Variants in LIMCH1 observed in about 807,000 individuals in gnomAD.
The protein encoded by LIMCH1 is LIM and calponin homology domains-containing protein 1.
LIMCH1 carries 113 observed loss-of-function variants against 176.5 expected under a neutral mutation model. The observed-to-expected ratio is 0.64, with a 90% CI of 0.55 to 0.75. LIMCH1 has a LOEUF of 0.75. Ranked by LOEUF, LIMCH1 falls within the 30% of genes least tolerant of loss-of-function variation. The pLI is 0.00. For synonymous variants in LIMCH1, 619 were observed against 645.9 expected (o/e 0.96, Z 0.63); for missense variants, 1,674 against 1,814.9 (o/e 0.92, Z 1.41).
At chr4:41,633,463 T>C in intron 12 of LIMCH1, 85 bp from the exon 13 acceptor site, 4 of 1,469,054 alleles carry the variant, frequency 2.7e-6, no homozygotes, top group Non-Finnish European at 3.6e-6. Flanking sequence ...TTCTTCTGTC[T>C]TGAATTAACG....
intron 1 of LIMCH1, among the ~76,000 whole-genome samples, chr4:41,565,383 A>ACACACG (rs71198669): frequency 7.2e-5 from 10 of 138,182 alleles, no homozygotes; most frequent in African/African-American, 3.3e-4. Flanking sequence ...ACACACACAC[A>ACACACG]TACACACACA....
chr4:41,671,717 C>G, intron 22 of LIMCH1, 123 bp downstream of exon 22: 1 of 706,424 alleles, frequency 1.4e-6, no homozygotes, highest in Non-Finnish European at 2.5e-6. Flanking sequence ...AATCCCAACA[C>G]TTTGGGAGGG....
At chr4:41,580,855 TA>T (rs1432552260) in intron 1 of LIMCH1, among the ~76,000 whole-genome samples, 2 of 152,180 alleles carry the variant, frequency 1.3e-5, no homozygotes, top group Admixed American at 6.5e-5. Flanking sequence ...GAAGATAAGT[TA>T]AAATCATTTT....
At chr4:41,563,703 T>C (rs554393577) in intron 1 of LIMCH1, among the ~76,000 whole-genome samples, 35 of 152,208 alleles carry the variant, frequency 2.3e-4, no homozygotes, top group Non-Finnish European at 4.6e-4. Context: ...AAGTATTGCT[T>C]GTGAATGCTT....
intron 1 of LIMCH1, among the ~76,000 whole-genome samples, chr4:41,417,363 G>T (rs896961588): frequency 6.6e-6 from 1 of 152,152 alleles, no homozygotes; most frequent in Non-Finnish European, 1.5e-5. Flanking sequence ...GTTTACAGAT[G>T]AAGTAGAAAC....
chr4:41,640,104 A>G (rs2093757292), intron 14 of LIMCH1, among the ~76,000 whole-genome samples: 1 of 152,228 alleles, frequency 6.6e-6, no homozygotes, highest in Non-Finnish European at 1.5e-5. Context: ...CAAGTTTCCC[A>G]TGTGTGATCT....
At chr4:41,538,380 A>G (rs995218399) in intron 1 of LIMCH1, 30 bp downstream of exon 1, 3 of 970,240 alleles carry the variant, frequency 3.1e-6, no homozygotes, top group South Asian at 4.8e-5. Flanking sequence ...AAAGAAATAC[A>G]TGCTTAGGGG....
At chr4:41,603,979 T>C (rs1246180155) in intron 3 of LIMCH1, 74 bp downstream of exon 3, 1 of 1,287,692 alleles carries the variant, frequency 7.8e-7, no homozygotes, top group Non-Finnish European at 1.1e-6. Context: ...GTGTTTCTCA[T>C]ATGCCTTGCT....
At chr4:41,660,565 C>G (rs999892510) in intron 18 of LIMCH1, among the ~76,000 whole-genome samples, 1 of 152,092 alleles carries the variant, frequency 6.6e-6, no homozygotes, top group African/African-American at 2.4e-5. Flanking sequence ...AAGGACTTGG[C>G]AAATGATGAA....
chr4:41,492,228 C>T (rs1208939495), intron 1 of LIMCH1, among the ~76,000 whole-genome samples: 3 of 152,154 alleles, frequency 2.0e-5, no homozygotes, highest in Non-Finnish European at 4.4e-5. Flanking sequence ...TGGCGAAACC[C>T]CGTCTCCACC....
intron 1 of LIMCH1, among the ~76,000 whole-genome samples, chr4:41,551,890 A>T (rs1021284906): frequency 2.0e-5 from 3 of 152,166 alleles, no homozygotes; most frequent in African/African-American, 7.2e-5. Flanking sequence ...AATTCCTGTT[A>T]TAGTGGAGAA....
In LIMCH1 at chr4:41,626,692, A is replaced by G. The variant is rs936347650; in HGVS notation, c.726-16A>G. 6.5e-7 allele frequency: 1 copy of G among 1,531,648 alleles called. No individual in the cohort carries two copies. The highest frequency in any genetic ancestry group is 8.7e-7 in the Non-Finnish European group (1 of 1,143,372). 94.9% of individuals were successfully genotyped at this position (1,531,648 alleles called of 1,614,324 possible). On this transcript the variant is annotated splice_polypyrimidine_tract_variant and intron_variant, in intron 7 of 31. Transcript: ENST00000503057. The stretch of plus-strand genomic sequence containing the variant: ...TCTGATCACATGTGGAGTCCCATTT[A>G]ATTTTCCCCTATCAGTCAAAAACAA...
At chr4:41,586,816 G>A (rs1483089093) in intron 1 of LIMCH1, among the ~76,000 whole-genome samples, 1 of 152,170 alleles carries the variant, frequency 6.6e-6, no homozygotes, top group East Asian at 1.9e-4. Context: ...TCCTTGAGAG[G>A]CGATACAGCT....
At chr4:41,404,455 G>C (rs894792579) in intron 1 of LIMCH1, among the ~76,000 whole-genome samples, 1 of 152,118 alleles carries the variant, frequency 6.6e-6, no homozygotes, top group African/African-American at 2.4e-5. Context: ...GTCTTGCCTT[G>C]CTCCTTGGGG....
chr4:41,692,603 C>T lies in LIMCH1; in HGVS notation c.4378+219C>T, dbSNP rs1003811685. The T allele has an allele frequency of 8.8e-6, 4 of 453,860 alleles. No homozygotes were observed. The Admixed American group carries it at 1.4e-4, about 16-fold the overall frequency. 28.1% of individuals were successfully genotyped at this position (453,860 alleles called of 1,614,324 possible). A position where few individuals can be genotyped will look rare whatever the true frequency, so the allele number is the denominator to read the frequency against. The stretch of plus-strand genomic sequence containing the variant: ...GACCAATTCTTTTTATCCTGAAGTG[C>T]ATCAGCACACCAGCAGGTCAAAACA... On this transcript the variant is annotated intron_variant, in intron 31 of 31. Coordinates refer to ENST00000503057, the MANE Select transcript of LIMCH1 (RefSeq NM_001330672.2).
At chr4:41,447,302 G>A (rs2063382486) in intron 1 of LIMCH1, among the ~76,000 whole-genome samples, 1 of 152,158 alleles carries the variant, frequency 6.6e-6, no homozygotes, top group South Asian at 2.1e-4. Context: ...TTCAAGAGGA[G>A]CGAGTGTTTT....
At chr4:41,579,158 G>C (rs79114038) in intron 1 of LIMCH1, among the ~76,000 whole-genome samples, 8,335 of 151,792 alleles carry the variant, frequency 0.055, 626 homozygotes, top group African/African-American at 0.17. Flanking sequence ...CTCAGAATAA[G>C]AGCTGTTATA....
rs113833419 is a variant in LIMCH1 at position 41,366,108 on chromosome 4, C to T, written c.96+5172C>T. 1.8e-3 allele frequency among the ~76,000 whole-genome samples: 272 copies of T among 152,216 alleles called. 1 individual carries two copies. Among genetic ancestry groups the T allele is most frequent in the Non-Finnish European group, 3.0e-3 (206 of 68,010 alleles). ...ATTGGCCTGGCAGCTTCTCTTTTTG[C>T]TTTAGACCATTCTGAAGCTTAAAAG... On this transcript the variant is annotated intron_variant, in intron 1 of 26. Coordinates refer to the LIMCH1 transcript ENST00000313860.
chr4:41,633,016 CAG>C lies in LIMCH1; in HGVS notation c.1762_1763del (p.Glu588LysfsTer7), dbSNP rs1236891769. 2.6e-6 allele frequency: 4 copies of C among 1,536,088 alleles called. No homozygotes were observed. The highest frequency in any genetic ancestry group is 1.2e-5 in the South Asian group (1 of 84,060). On this transcript the variant is annotated frameshift_variant, in exon 12 of 32. Transcript: ENST00000503057. LOFTEE classifies it high-confidence loss of function. ...CTGCCACAGGATGGCAAAGAAGAAACAGAAAGCGCTCCAAGAGATTCTGAGAG... is the reference window on the plus strand; with the variant it reads ...CTGCCACAGGATGGCAAAGAAGAAACAAAGCGCTCCAAGAGATTCTGAGAG...
Sources: allele counts gnomAD v4.1 joint callset (sites outside exome capture counted in the v4.1 genomes callset), GRCh38; gene constraint gnomAD v4.1.1; transcripts MANE v1.5; gene names NCBI Gene and HGNC (gene_info 2026-07-23, HGNC 2026-07-21).